PTPRT: variants seen among roughly 807,000 people sequenced by gnomAD.
PTPRT encodes protein tyrosine phosphatase receptor type T.
In PTPRT, 56 loss-of-function variants were observed where a neutral mutation model predicts 176.8. The observed-to-expected ratio is 0.32, with a 90% confidence interval of 0.26 to 0.40. The LOEUF (loss-of-function observed/expected upper bound fraction) is 0.40. PTPRT is among the 10% of genes least tolerant of loss of function. The probability of loss-of-function intolerance (pLI) is 1.00; values close to 1 mark genes in which losing one functional copy is unlikely to be tolerated. For missense variants in PTPRT, 1,540 were observed against 1,908.2 expected (o/e 0.81, Z 3.60); for synonymous variants, 783 against 739.0 (o/e 1.06, Z -0.96).
chr20:42,655,104 G>C (rs1335860726), intron 7 of PTPRT, among the ~76,000 whole-genome samples: 1 of 152,112 alleles, frequency 6.6e-6, no homozygotes, highest in East Asian at 1.9e-4. Context: ...ACCAAAAATG[G>C]AAAGGTATGG....
intron 7 of PTPRT, among the ~76,000 whole-genome samples, chr20:42,515,759 T>C (rs543478317): frequency 6.6e-6 from 1 of 152,154 alleles, no homozygotes; most frequent in African/African-American, 2.4e-5. Context: ...ACTGGGTATA[T>C]ACCCAAAGGA....
rs932262678 is a variant in PTPRT at position 42,990,103 on chromosome 20, C to T, written c.89-104171G>A. ...AACATCTATCATCTTACGAAGCCGTCACCGTTTCAAAGAGATATTAAAAAA... is the reference window on the plus strand; with the variant it reads ...AACATCTATCATCTTACGAAGCCGTTACCGTTTCAAAGAGATATTAAAAAA... On this transcript the variant is annotated intron_variant, in intron 1 of 30. Coordinates refer to ENST00000373187, the MANE Select transcript of PTPRT (RefSeq NM_007050.6). 2.6e-5 allele frequency among the ~76,000 whole-genome samples: 4 copies of T among 152,302 alleles called. No homozygotes were observed. The East Asian group carries it at 5.8e-4, about 22-fold the overall frequency.
chr20:42,109,150 G>GATAA (rs145434745), intron 23 of PTPRT, among the ~76,000 whole-genome samples: 16,289 of 152,136 alleles, frequency 0.11, 1,592 homozygotes, highest in African/African-American at 0.26. Flanking sequence ...TTGCTGGGAA[G>GATAA]ATAAATAAAT....
intron 1 of PTPRT, among the ~76,000 whole-genome samples, chr20:43,061,086 G>A (rs2146252555): frequency 7.7e-6 from 1 of 129,112 alleles, no homozygotes; most frequent in East Asian, 2.2e-4. Flanking sequence ...GCGGATAAAT[G>A]AATGGATGGA....
intron 14 of PTPRT, among the ~76,000 whole-genome samples, chr20:42,241,609 G>A (rs889072274): frequency 2.6e-5 from 4 of 152,084 alleles, no homozygotes; most frequent in African/African-American, 9.7e-5. Flanking sequence ...CATGGGATGG[G>A]GAAGAAAGGT....
At chr20:42,414,547 G>A (rs957346367) in intron 9 of PTPRT, among the ~76,000 whole-genome samples, 3 of 152,170 alleles carry the variant, frequency 2.0e-5, no homozygotes, top group Non-Finnish European at 4.4e-5. Context: ...TACTAAGGGA[G>A]CTGGTTATAA....
intron 7 of PTPRT, among the ~76,000 whole-genome samples, chr20:42,501,423 T>C (rs1568932371): frequency 6.6e-6 from 1 of 152,184 alleles, no homozygotes. Flanking sequence ...CATATTTTGC[T>C]GAAGATATAT....
At chr20:42,148,141 A>G (rs976938157) in intron 17 of PTPRT, among the ~76,000 whole-genome samples, 5 of 151,386 alleles carry the variant, frequency 3.3e-5, no homozygotes, top group African/African-American at 9.7e-5. Context: ...TCCATTATCA[A>G]TCTCCGCTTT....
At position 42,310,830 on chromosome 20, in the gene PTPRT, A is replaced by G. The variant is rs551405049; in HGVS notation, c.2139+4893T>C. ...CATTTTTATCTGTAAGAAGGCATCA[A>G]TGGATAAATGTGAGATTACTAATTG... On this transcript the variant is annotated intron_variant, in intron 12 of 30. Transcript: ENST00000373187. Among the ~76,000 whole-genome samples the G allele has an allele frequency of 3.3e-5, 5 of 152,346 alleles. No individual in the cohort carries two copies. In the South Asian group the frequency reaches 6.2e-4, roughly 19 times the overall value.
At chr20:42,425,699 C>G (rs12480310) in intron 9 of PTPRT, among the ~76,000 whole-genome samples, 17,696 of 152,138 alleles carry the variant, frequency 0.12, 1,016 homozygotes, top group Middle Eastern at 0.14. Flanking sequence ...CACTTCACAA[C>G]GTATACATAT....
chr20:43,093,475 A>G (rs1600707497), intron 1 of PTPRT, among the ~76,000 whole-genome samples: 3 of 152,362 alleles, frequency 2.0e-5, no homozygotes, highest in South Asian at 2.1e-4. Flanking sequence ...AGAATTTGAG[A>G]AAATCCAGTG....
intron 7 of PTPRT, among the ~76,000 whole-genome samples, chr20:42,633,530 T>A (rs887265195): frequency 6.6e-6 from 1 of 151,684 alleles, no homozygotes; most frequent in Non-Finnish European, 1.5e-5. Flanking sequence ...GAGCTATGGC[T>A]CACACCTGTA....
intron 1 of PTPRT, among the ~76,000 whole-genome samples, chr20:43,131,969 C>A (rs1315009452): frequency 6.6e-6 from 1 of 151,966 alleles, no homozygotes; most frequent in East Asian, 1.9e-4. Flanking sequence ...AAAAACACAT[C>A]TTGATAAAAT....
intron 2 of PTPRT, among the ~76,000 whole-genome samples, chr20:42,795,434 T>C (rs557620822): frequency 3.3e-5 from 5 of 152,372 alleles, no homozygotes; most frequent in Admixed American, 2.6e-4. Flanking sequence ...CTATTGTGTT[T>C]ACACATGAGC....
At chr20:42,179,161 T>A (rs973220566) in intron 16 of PTPRT, among the ~76,000 whole-genome samples, 3 of 152,190 alleles carry the variant, frequency 2.0e-5, no homozygotes, top group African/African-American at 7.2e-5. Context: ...AAAGAGGTAA[T>A]GTCGATGAAA....
At chr20:42,152,849 CTG>C (rs1443065567) in intron 17 of PTPRT, among the ~76,000 whole-genome samples, 1 of 152,220 alleles carries the variant, frequency 6.6e-6, no homozygotes, top group Non-Finnish European at 1.5e-5. Context: ...TTCAAGAAAA[CTG>C]TGCAACGGGT....
intron 1 of PTPRT, among the ~76,000 whole-genome samples, chr20:43,012,113 G>A (rs1022209591): frequency 5.3e-5 from 8 of 152,050 alleles, no homozygotes; most frequent in Non-Finnish European, 2.9e-5. Flanking sequence ...GCCTATTGTG[G>A]GACTTCACCT....
chr20:42,333,262 T>C (rs1039968456), intron 11 of PTPRT, among the ~76,000 whole-genome samples: 1 of 152,222 alleles, frequency 6.6e-6, no homozygotes, highest in Non-Finnish European at 1.5e-5. Flanking sequence ...ATTTGCAAAA[T>C]GTGAAACTGT....
chr20:42,786,661 A>T (rs1315123528), intron 3 of PTPRT, among the ~76,000 whole-genome samples: 1 of 152,078 alleles, frequency 6.6e-6, no homozygotes, highest in Non-Finnish European at 1.5e-5. Context: ...CTGTCCCTGT[A>T]CTCAGTCAAT....
Sources: allele counts gnomAD v4.1 joint callset (sites outside exome capture counted in the v4.1 genomes callset), GRCh38; gene constraint gnomAD v4.1.1; transcripts MANE v1.5; gene names NCBI Gene and HGNC (gene_info 2026-07-23, HGNC 2026-07-21).